Variants in GPC5 observed in about 807,000 individuals in gnomAD.
GPC5 encodes glypican 5.
A neutral mutation model predicts 53.9 loss-of-function variants in GPC5; 47 were observed. The ratio of observed to expected loss-of-function variants is 0.87; its 90% CI spans 0.69 to 1.11. The LOEUF (loss-of-function observed/expected upper bound fraction) is 1.11, where lower values mean the gene tolerates loss of function less well. Ranked by LOEUF, GPC5 falls within the 50% of genes most tolerant of loss-of-function variation. The pLI, the probability that GPC5 is intolerant of heterozygous loss-of-function variation, is 0.00. For missense variants in GPC5, 748 were observed against 713.1 expected (o/e 1.05, Z -0.56); for synonymous variants, 286 against 263.3 (o/e 1.09, Z -0.84).
Position 91,807,754 on chromosome 13 carries a change from C to T in GPC5, c.1280+51334C>T, listed in dbSNP as rs557235533. ...AACAAAATAGACATGGGTGTAAATG[C>T]AGGTCAATCAAATGGAAGATCAATC... is the stretch of plus-strand genomic sequence containing the variant. On this transcript the variant is annotated intron_variant, in intron 5 of 7. Transcript: ENST00000377067. Among the ~76,000 whole-genome samples the T allele has an allele frequency of 2.6e-5, 4 of 152,194 alleles. No individual in the cohort carries two copies. The East Asian group carries it at 7.7e-4, about 29-fold the overall frequency.
intron 7 of GPC5, among the ~76,000 whole-genome samples, chr13:92,542,259 A>C (rs577269237): frequency 6.6e-6 from 1 of 152,050 alleles, no homozygotes; most frequent in African/African-American, 2.4e-5. Context: ...CTACAGTGCT[A>C]TGGAACACTA....
At chr13:91,426,573 G>T (rs1879068856) in intron 1 of GPC5, among the ~76,000 whole-genome samples, 1 of 152,068 alleles carries the variant, frequency 6.6e-6, no homozygotes. Flanking sequence ...GTGGCCAAAG[G>T]CCCCAGAGCC....
chr13:92,139,740 T>G (rs2041816092), intron 6 of GPC5, among the ~76,000 whole-genome samples: 2 of 151,338 alleles, frequency 1.3e-5, no homozygotes, highest in Admixed American at 1.3e-4. Flanking sequence ...AATGAATCAG[T>G]TCATCTGCCA....
intron 7 of GPC5, among the ~76,000 whole-genome samples, chr13:92,426,768 G>A (rs745672732): frequency 5.3e-5 from 8 of 152,116 alleles, no homozygotes; most frequent in Non-Finnish European, 1.2e-4. Context: ...ACTATGGATG[G>A]AGGACAGAGG....
chr13:91,516,374 C>A (rs1885499348), intron 2 of GPC5, among the ~76,000 whole-genome samples: 1 of 152,106 alleles, frequency 6.6e-6, no homozygotes, highest in South Asian at 2.1e-4. Context: ...GATTACAGGG[C>A]CCATGCAAGT....
At chr13:92,825,428 A>T (rs1457633732) in intron 7 of GPC5, among the ~76,000 whole-genome samples, 1 of 152,152 alleles carries the variant, frequency 6.6e-6, no homozygotes, top group Non-Finnish European at 1.5e-5. Flanking sequence ...AGCATAAAAA[A>T]ATGCAAATGT....
At position 91,881,195 on chromosome 13, in the gene GPC5, G is replaced by T. The variant is rs141927450; in HGVS notation, c.1281-26742G>T. On this transcript the variant is annotated intron_variant, in intron 5 of 7. Transcript: ENST00000377067. ...TTTATATTTTATTCTCTAAACAAAAGGTGTCTCATTTTTTAAATTTAAATC... is the reference window on the plus strand; with the variant it reads ...TTTATATTTTATTCTCTAAACAAAATGTGTCTCATTTTTTAAATTTAAATC... Among the ~76,000 whole-genome samples, 524 of 152,042 alleles carry T rather than the reference G, an allele frequency of 3.4e-3. 1 individual carries two copies. Among genetic ancestry groups the T allele is most frequent in the African/African-American group, 0.012 (496 of 41,492 alleles).
At chr13:92,633,480 G>T (rs1208897920) in intron 7 of GPC5, among the ~76,000 whole-genome samples, 1 of 151,842 alleles carries the variant, frequency 6.6e-6, no homozygotes, top group Non-Finnish European at 1.5e-5. Flanking sequence ...ACAGAAAAAA[G>T]GTATATAAAA....
chr13:92,859,084 C>T (rs1214861772), intron 7 of GPC5, among the ~76,000 whole-genome samples: 2 of 151,900 alleles, frequency 1.3e-5, no homozygotes, highest in Non-Finnish European at 2.9e-5. Flanking sequence ...CTACAAAAAA[C>T]TTTTTTTAAA....
chr13:92,527,207 A>G (rs184201620), intron 7 of GPC5, among the ~76,000 whole-genome samples: 1,587 of 33,074 alleles, frequency 0.048, 113 homozygotes, highest in Non-Finnish European at 0.054. Context: ...GAAAGAAAGA[A>G]AGAAAGAAAG....
intron 4 of GPC5, among the ~76,000 whole-genome samples, chr13:91,738,472 CTTTATCATTGGAATATTTAATCCT>C (rs1566649938): frequency 6.6e-6 from 1 of 151,060 alleles, no homozygotes; most frequent in Admixed American, 6.6e-5. Context: ...ATAAATCAGT[CTTTATCATTGGAATATTTAATCCT>C]TTTGTATACA....
chr13:91,445,714 A>G (rs1228798893), intron 1 of GPC5, among the ~76,000 whole-genome samples: 1 of 152,132 alleles, frequency 6.6e-6, no homozygotes, highest in Non-Finnish European at 1.5e-5. Flanking sequence ...ACCTCAAGTG[A>G]TCTGCTCACC....
At chr13:92,187,956 ATTAT>A (rs1351056838) in intron 7 of GPC5, among the ~76,000 whole-genome samples, 1 of 152,116 alleles carries the variant, frequency 6.6e-6, no homozygotes, top group Non-Finnish European at 1.5e-5. Flanking sequence ...CTGACATTTT[ATTAT>A]TTATTTTTTA....
At chr13:92,381,866 TATCATATATATG>T (rs2043744446) in intron 7 of GPC5, among the ~76,000 whole-genome samples, 2 of 130,162 alleles carry the variant, frequency 1.5e-5, no homozygotes, top group Non-Finnish European at 3.2e-5. Context: ...TGATTATATA[TATCATATATATG>T]ATTATATATA....
chr13:91,862,626 A>G (rs543862832), intron 5 of GPC5, among the ~76,000 whole-genome samples: 1 of 152,190 alleles, frequency 6.6e-6, no homozygotes, highest in Non-Finnish European at 1.5e-5. Flanking sequence ...ATACACACAT[A>G]TAGATGATTC....
At chr13:92,431,815 T>G (rs1486983334) in intron 7 of GPC5, among the ~76,000 whole-genome samples, 1 of 152,154 alleles carries the variant, frequency 6.6e-6, no homozygotes, top group Non-Finnish European at 1.5e-5. Flanking sequence ...TGTTTATGTG[T>G]CCTAGATAAA....
At chr13:92,121,075 C>T (rs2041645172) in intron 6 of GPC5, among the ~76,000 whole-genome samples, 1 of 152,228 alleles carries the variant, frequency 6.6e-6, no homozygotes, top group Non-Finnish European at 1.5e-5. Context: ...CCTTCAACCA[C>T]ATACGTCCAA....
At chr13:92,750,632 T>G (rs763675762) in intron 7 of GPC5, among the ~76,000 whole-genome samples, 1 of 152,188 alleles carries the variant, frequency 6.6e-6, no homozygotes, top group Non-Finnish European at 1.5e-5. Context: ...ACTGATTGAA[T>G]GCCCTACTCC....
intron 7 of GPC5, among the ~76,000 whole-genome samples, chr13:92,654,512 T>C (rs72641030): frequency 6.7e-6 from 1 of 148,882 alleles, no homozygotes; most frequent in Admixed American, 6.7e-5. Context: ...TCAGAAAAAA[T>C]ATATTAAATT....
Sources: allele counts gnomAD v4.1 joint callset (sites outside exome capture counted in the v4.1 genomes callset), GRCh38; gene constraint gnomAD v4.1.1; transcripts MANE v1.5; gene names NCBI Gene and HGNC (gene_info 2026-07-23, HGNC 2026-07-21).